Variants in SLC2A9 observed in about 807,000 individuals in gnomAD.
SLC2A9 encodes the protein solute carrier family 2, facilitated glucose transporter member 9.
In SLC2A9, 39 loss-of-function variants were observed where a neutral mutation model predicts 50.6. That is an observed-to-expected ratio of 0.77 (90% CI 0.60 to 1.01). The LOEUF (loss-of-function observed/expected upper bound fraction) is 1.01, where lower values mean the gene tolerates loss of function less well. Ranked by LOEUF, SLC2A9 falls within the 50% of genes least tolerant of loss-of-function variation. The pLI, the probability that SLC2A9 is intolerant of heterozygous loss-of-function variation, is 0.00. For synonymous variants in SLC2A9, 324 were observed against 276.9 expected (o/e 1.17, Z -1.69); for missense variants, 686 against 677.6 (o/e 1.01, Z -0.14).
At chr4:9,829,340 C>A (rs1007201523) in intron 11 of SLC2A9, among the ~76,000 whole-genome samples, 1 of 151,992 alleles carries the variant, frequency 6.6e-6, no homozygotes, top group African/African-American at 2.4e-5. Flanking sequence ...CTCCTTACAC[C>A]TTATACAAAA....
intron 10 of SLC2A9, among the ~76,000 whole-genome samples, chr4:9,863,218 C>T (rs1285974210): frequency 6.6e-6 from 1 of 151,986 alleles, no homozygotes; most frequent in Non-Finnish European, 1.5e-5. Flanking sequence ...ATGAACATGG[C>T]TCACTCTAAC....
chr4:9,961,667 TG>T lies in SLC2A9; in HGVS notation c.681+18924del, dbSNP rs1213558764. 2.6e-5 allele frequency among the ~76,000 whole-genome samples: 4 copies of T among 152,110 alleles called. No homozygotes were observed. The East Asian group carries it at 7.7e-4, about 29-fold the overall frequency. On this transcript the variant is annotated intron_variant, in intron 5 of 11. Transcript: ENST00000264784. ...GACATAGGCATGGGCAAAGATTTCA[TG>T]ACAAAAACATCAAAAGCAAAAATTG...
chr4:9,987,668 C>T (rs1756962359), intron 3 of SLC2A9, among the ~76,000 whole-genome samples: 1 of 152,060 alleles, frequency 6.6e-6, no homozygotes, highest in Admixed American at 6.5e-5. Context: ...ATGGCAGATG[C>T]TATTATACTC....
intron 10 of SLC2A9, among the ~76,000 whole-genome samples, chr4:9,874,561 T>C (rs1380042727): frequency 5.9e-5 from 9 of 152,252 alleles, no homozygotes; most frequent in Non-Finnish European, 1.0e-4. Context: ...AGAGGCCATC[T>C]GGAGAACGGA....
At chr4:9,925,932 G>A (rs990594293) in intron 6 of SLC2A9, among the ~76,000 whole-genome samples, 9 of 152,142 alleles carry the variant, frequency 5.9e-5, no homozygotes, top group African/African-American at 2.2e-4. Flanking sequence ...GCTCCCCATG[G>A]TCCTCAGACA....
At chr4:10,017,461 T>C (rs1461946256) in intron 2 of SLC2A9, among the ~76,000 whole-genome samples, 3 of 152,258 alleles carry the variant, frequency 2.0e-5, no homozygotes, top group Admixed American at 6.5e-5. Context: ...CAGTGCTTAC[T>C]GAAGCCATCT....
intron 2 of SLC2A9, among the ~76,000 whole-genome samples, chr4:10,000,085 G>A (rs62293360): frequency 6.6e-6 from 1 of 151,284 alleles, no homozygotes; most frequent in Admixed American, 6.6e-5. Flanking sequence ...TGCTTGCGAG[G>A]TATTTATCTT....
At chr4:9,868,041 G>A (rs1001350787) in intron 10 of SLC2A9, among the ~76,000 whole-genome samples, 1 of 152,220 alleles carries the variant, frequency 6.6e-6, no homozygotes, top group Non-Finnish European at 1.5e-5. Context: ...CACCAGGCGT[G>A]TCTTTAGCCT....
At chr4:9,969,290 T>C (rs1753521559) in intron 5 of SLC2A9, among the ~76,000 whole-genome samples, 1 of 152,228 alleles carries the variant, frequency 6.6e-6, no homozygotes, top group African/African-American at 2.4e-5. Context: ...TTATCAGTCA[T>C]AATTTTGGTT....
chr4:9,817,665 T>C (rs1218357535), intron 3 of SLC2A9, among the ~76,000 whole-genome samples: 1 of 152,242 alleles, frequency 6.6e-6, no homozygotes, highest in Non-Finnish European at 1.5e-5. Flanking sequence ...GTCCTTTTGC[T>C]AAATGAATGG....
At chr4:10,022,226 AC>A (rs1763556793), upstream of SLC2A9, among the ~76,000 whole-genome samples, 1 of 152,268 alleles carries the variant, frequency 6.6e-6, no homozygotes, top group South Asian at 2.1e-4. Context: ...TGGAATATTG[AC>A]CCCACTCTGA....
At chr4:9,945,332 G>C (rs1423501407) in intron 5 of SLC2A9, among the ~76,000 whole-genome samples, 1 of 152,224 alleles carries the variant, frequency 6.6e-6, no homozygotes, top group East Asian at 1.9e-4. Flanking sequence ...TCTGTTGGGA[G>C]GATTTAGTCC....
At chr4:9,846,772 AAGAAAT>A (rs1330311156) in intron 10 of SLC2A9, among the ~76,000 whole-genome samples, 1 of 152,184 alleles carries the variant, frequency 6.6e-6, no homozygotes, top group Non-Finnish European at 1.5e-5. Flanking sequence ...TTTTACATAA[AAGAAAT>A]AAAGTGCACA....
chr4:9,990,406 C>T (rs1195327293), intron 3 of SLC2A9, among the ~76,000 whole-genome samples: 1 of 152,042 alleles, frequency 6.6e-6, no homozygotes, highest in Non-Finnish European at 1.5e-5. Context: ...ACATATGGTT[C>T]TTACGTTGAA....
chr4:9,889,967 T>C (rs906464938), intron 9 of SLC2A9, among the ~76,000 whole-genome samples: 1 of 152,178 alleles, frequency 6.6e-6, no homozygotes, highest in Non-Finnish European at 1.5e-5. Flanking sequence ...AATACTGATG[T>C]TGTAAGGATG....
At chr4:9,957,294 G>T (rs1442829387) in intron 5 of SLC2A9, among the ~76,000 whole-genome samples, 3 of 152,056 alleles carry the variant, frequency 2.0e-5, no homozygotes, top group African/African-American at 4.8e-5. Context: ...ATTCTTTGGA[G>T]GAGAATCCAA....
intron 4 of SLC2A9, among the ~76,000 whole-genome samples, chr4:9,981,922 C>G (rs1755953040): frequency 6.6e-6 from 1 of 151,492 alleles, no homozygotes; most frequent in African/African-American, 2.4e-5. Context: ...ACTCTTGTTG[C>G]CCAGGCTGGA....
At chr4:9,834,055 G>A (rs887459407) in intron 11 of SLC2A9, among the ~76,000 whole-genome samples, 6 of 152,122 alleles carry the variant, frequency 3.9e-5, no homozygotes, top group African/African-American at 1.4e-4. Context: ...GCCTCTGGGT[G>A]GTTTCTTACA....
intron 3 of SLC2A9, chr4:9,783,055 C>T (rs759973436): frequency 3.1e-6 from 5 of 1,614,240 alleles, no homozygotes; most frequent in African/African-American, 1.3e-5. Flanking sequence ...CCACCTTCGA[C>T]GTCTTCGTCT....
Sources: allele counts gnomAD v4.1 joint callset (sites outside exome capture counted in the v4.1 genomes callset), GRCh38; gene constraint gnomAD v4.1.1; transcripts MANE v1.5; gene names NCBI Gene and HGNC (gene_info 2026-07-23, HGNC 2026-07-21).